Variants in ADAMTSL1 observed in about 807,000 individuals in gnomAD.
ADAMTSL1 encodes the protein ADAMTS like 1.
ADAMTSL1 carries 126 observed loss-of-function variants against 201.8 expected under a neutral mutation model. The observed-to-expected ratio is 0.62, with a 90% CI of 0.54 to 0.72. ADAMTSL1 has a LOEUF of 0.72. ADAMTSL1 is among the 30% of genes least tolerant of loss of function. ADAMTSL1 has a pLI of 0.00. For synonymous variants in ADAMTSL1, 1,121 were observed against 903.4 expected, an observed-to-expected ratio of 1.24 and a Z score of -4.32; for missense variants, 2,679 against 2,277.8, an observed-to-expected ratio of 1.18 and a Z score of -3.59.
In ADAMTSL1 at chr9:18,316,466, C is replaced by G. The variant is rs571167374; in HGVS notation, c.207+152485C>G. ...GCCTATACCTCCAGGCGTGTATTCT[C>G]TTTCCCAGGGATGTTCCTTGCTGAG... On this transcript the variant is annotated intron_variant, in intron 2 of 29. Coordinates refer to the ADAMTSL1 transcript ENST00000680146. 8.7e-4 allele frequency among the ~76,000 whole-genome samples: 133 copies of G among 152,212 alleles called. 1 individual carries two copies. Among genetic ancestry groups the G allele is most frequent in the Non-Finnish European group, 1.6e-3 (109 of 68,018 alleles).
intron 2 of ADAMTSL1, among the ~76,000 whole-genome samples, chr9:18,387,189 A>C (rs1011263264): frequency 6.6e-6 from 1 of 152,128 alleles, no homozygotes; most frequent in African/African-American, 2.4e-5. Context: ...ATAGGTACCA[A>C]TATAACAAAC....
Position 18,574,035 on chromosome 9 carries a change from C to A in ADAMTSL1, c.243C>A (p.Cys81Ter). The A allele has an allele frequency of 2.5e-6, 4 of 1,612,834 alleles. No homozygotes were observed. The highest frequency in any genetic ancestry group is 3.4e-6 in the Non-Finnish European group (4 of 1,179,182). Residue 81 changes from cysteine to a stop codon, truncating the protein, a stop_gained, in exon 4 of 29, where the codon TGC (cysteine) becomes TGA (stop). Transcript: ENST00000380548. LOFTEE classifies it high-confidence loss of function. Reference protein sequence around the residue: ...IRYRTCSNVDCPPEAGDFRAQ... With the variant: ...IRYRTCSNVD ...TTTCTCTCTTTTTTCTCCAGGACTG[C>A]CCACCAGAAGCAGGTGATTTCCGAG...
chr9:18,153,884 C>T (rs1827030405), intron 1 of ADAMTSL1, among the ~76,000 whole-genome samples: 1 of 151,928 alleles, frequency 6.6e-6, no homozygotes, highest in African/African-American at 2.4e-5. Context: ...AAGAATGACA[C>T]CATCCATTAA....
At chr9:18,401,051 C>T (rs181296064) in intron 2 of ADAMTSL1, among the ~76,000 whole-genome samples, 7 of 152,162 alleles carry the variant, frequency 4.6e-5, no homozygotes, top group Admixed American at 6.5e-5. Context: ...AGTAGAATGG[C>T]GAGGAAATTA....
intron 2 of ADAMTSL1, among the ~76,000 whole-genome samples, chr9:18,252,405 C>T (rs1297745777): frequency 6.6e-6 from 1 of 152,104 alleles, no homozygotes; most frequent in Non-Finnish European, 1.5e-5. Context: ...GTTCCAGGAC[C>T]TCCCATGGAT....
intron 1 of ADAMTSL1, among the ~76,000 whole-genome samples, chr9:18,145,149 A>G (rs1048927450): frequency 4.6e-5 from 7 of 152,206 alleles, no homozygotes; most frequent in African/African-American, 1.2e-4. Context: ...TGGCATTTAT[A>G]TGTTAAAAGT....
chr9:18,129,507 C>G (rs1825863448), intron 1 of ADAMTSL1, among the ~76,000 whole-genome samples: 3 of 152,156 alleles, frequency 2.0e-5, no homozygotes, highest in Non-Finnish European at 4.4e-5. Flanking sequence ...TCCTAATTAT[C>G]TTTTCAATAT....
At chr9:18,795,653 C>CAACAGCAGTGTAGT in intron 20 of ADAMTSL1, 129 bp downstream of exon 20, 1 of 1,014,564 alleles carries the variant, frequency 9.9e-7, no homozygotes, top group Non-Finnish European at 1.4e-6. Context: ...AGTTTGTAAT[C>CAACAGCAGTGTAGT]TATAATTACA....
chr9:18,756,281 C>CAA (rs11326013), intron 16 of ADAMTSL1, among the ~76,000 whole-genome samples: 168 of 68,468 alleles, frequency 2.5e-3, no homozygotes, highest in East Asian at 4.6e-3. Context: ...TCTGTCTCGA[C>CAA]AAAAAAAAAA....
At chr9:18,427,782 A>T (rs144159153) in intron 2 of ADAMTSL1, among the ~76,000 whole-genome samples, 22 of 152,362 alleles carry the variant, frequency 1.4e-4, no homozygotes, top group African/African-American at 4.8e-4. Flanking sequence ...TTTTTATTTA[A>T]GATGTGTTGG....
chr9:18,709,858 T>C lies in ADAMTSL1; in HGVS notation c.1876+2810T>C, dbSNP rs575426122. Among the ~76,000 whole-genome samples, 11 of 152,308 alleles carry C rather than the reference T, an allele frequency of 7.2e-5. No homozygotes were observed. The South Asian group carries it at 2.3e-3, about 32-fold the overall frequency. On this transcript the variant is annotated intron_variant, in intron 14 of 28. Coordinates refer to ENST00000380548, the MANE Select transcript of ADAMTSL1 (RefSeq NM_001040272.6). ...TACTTGACATTGACTTCAGCAAAAA[T>C]GGAAGATGAAGCCTTGTACCTGTTG...
chr9:18,908,300 T>C (rs756667814), intron 28 of ADAMTSL1, 142 bp from the exon 29 acceptor site: 13 of 705,128 alleles, frequency 1.8e-5, no homozygotes, highest in Non-Finnish European at 3.2e-5. Context: ...AAAGTTAGGC[T>C]GGAGAGCGGT....
intron 1 of ADAMTSL1, among the ~76,000 whole-genome samples, chr9:18,090,141 T>C (rs1474648283): frequency 2.0e-5 from 3 of 152,108 alleles, no homozygotes; most frequent in South Asian, 4.1e-4. Flanking sequence ...TGTGAAGAAA[T>C]TGCTGGTAGG....
chr9:18,239,573 T>C (rs551968227), intron 2 of ADAMTSL1, among the ~76,000 whole-genome samples: 1 of 151,866 alleles, frequency 6.6e-6, no homozygotes, highest in African/African-American at 2.4e-5. Context: ...ATCTGGTCTC[T>C]ACTGAAAATA....
At chr9:18,810,153 C>A (rs1442933777) in intron 20 of ADAMTSL1, among the ~76,000 whole-genome samples, 1 of 152,164 alleles carries the variant, frequency 6.6e-6, no homozygotes, top group Non-Finnish European at 1.5e-5. Flanking sequence ...CATACATTTA[C>A]TATGCTCAAC....
chr9:18,620,115 G>C (rs543775130), intron 4 of ADAMTSL1, among the ~76,000 whole-genome samples: 3 of 144,236 alleles, frequency 2.1e-5, no homozygotes, highest in Non-Finnish European at 4.5e-5. Flanking sequence ...AACCTCATGT[G>C]ACACCTCCCT....
chr9:18,822,072 C>T (rs1233284118), intron 21 of ADAMTSL1, among the ~76,000 whole-genome samples: 5 of 152,094 alleles, frequency 3.3e-5, no homozygotes, highest in Admixed American at 1.3e-4. Flanking sequence ...AAAATGCAAA[C>T]GTGGGTTCTT....
At chr9:18,876,333 T>TGTGTGTGTGTGTGA (rs1340134785) in intron 23 of ADAMTSL1, among the ~76,000 whole-genome samples, 66 of 151,588 alleles carry the variant, frequency 4.4e-4, no homozygotes, top group African/African-American at 1.5e-3. Flanking sequence ...TGTGTGTGCG[T>TGTGTGTGTGTGTGA]GATTGTTTTA....
At chr9:18,244,333 ATAGAT>A (rs1023494859) in intron 2 of ADAMTSL1, among the ~76,000 whole-genome samples, 14 of 152,086 alleles carry the variant, frequency 9.2e-5, no homozygotes, top group Non-Finnish European at 2.1e-4. Context: ...ATAAAACATT[ATAGAT>A]TATTCTTCTG....
Sources: gnomAD v4.1 joint callset for allele counts (sites outside exome capture counted in the v4.1 genomes callset) on GRCh38, gnomAD v4.1.1 for gene constraint, MANE v1.5 for transcripts, NCBI Gene and HGNC (gene_info 2026-07-23, HGNC 2026-07-21) for gene names.